Variants in WIPF2 observed in about 807,000 individuals in gnomAD.
WIPF2 encodes the protein WAS/WASL interacting protein family member 2.
A neutral mutation model predicts 38.8 loss-of-function variants in WIPF2; 23 were observed. The observed-to-expected ratio is 0.59, with a 90% CI of 0.43 to 0.84. The LOEUF is 0.84. WIPF2 is among the 40% of genes least tolerant of loss of function. The pLI is 0.00. For missense variants in WIPF2, 574 were observed against 580.5 expected (o/e 0.99, Z 0.11); for synonymous variants, 210 against 223.2 (o/e 0.94, Z 0.53).
intron 1 of WIPF2, among the ~76,000 whole-genome samples, chr17:40,254,762 C>CTA (rs2031667198): frequency 2.0e-5 from 3 of 151,232 alleles, no homozygotes; most frequent in African/African-American, 7.3e-5. Context: ...GACAGAGTTT[C>CTA]GCTCTGTTGC....
At chr17:40,231,807 G>A (rs1330103371) in intron 1 of WIPF2, among the ~76,000 whole-genome samples, 1 of 151,904 alleles carries the variant, frequency 6.6e-6, no homozygotes, top group Non-Finnish European at 1.5e-5. Context: ...GATATGGCTA[G>A]CTTAAAATCT....
Position 40,265,087 on chromosome 17 carries a change from C to A in WIPF2, c.911C>A (p.Pro304Gln), listed in dbSNP as rs748951285. The change falls in exon 5 of 8, where the codon CCA (proline) becomes CAA (glutamine). Residue 304 changes from proline to glutamine, a missense_variant. Pro to Gln is a moderately conservative substitution (Grantham distance 76). Coordinates refer to ENST00000323571, the MANE Select transcript of WIPF2 (RefSeq NM_133264.5). ...CCTCCTCCACCCACCTCGGCCTCCC[C>A]ATCTTTACTGAGTAATAGGCCACCT... ...LAPPPPTSAS[P>Q]SLLSNRPPPP... 1 of 1,613,748 alleles carries A rather than the reference C, an allele frequency of 6.2e-7. No homozygotes were observed.
At position 40,247,605 on chromosome 17, in the gene WIPF2, T is replaced by A. The variant is rs1047208587; in HGVS notation, c.-69-8786T>A. ...GGTGCAATCTCAGCTCACTGCAGCC[T>A]CCACCTCCTGGGTTCAAGTGATTCT... On this transcript the variant is annotated intron_variant, in intron 1 of 7. Transcript: ENST00000323571. 1.2e-4 allele frequency among the ~76,000 whole-genome samples: 18 copies of A among 151,538 alleles called. No individual in the cohort carries two copies. In the Admixed American group the frequency reaches 1.2e-3, roughly 10 times the overall value.
rs2030378802 is a variant in WIPF2 at position 40,224,231 on chromosome 17, C to CTTTTCT, written c.-70+4743_-70+4744insCTTTTT. Among the ~76,000 whole-genome samples, 3 of 110,150 alleles carry CTTTTCT rather than the reference C, an allele frequency of 2.7e-5. No homozygotes were observed. The Admixed American group carries it at 3.0e-4, about 11-fold the overall frequency. The allele number at this position is 110,150 out of a possible 152,430, so 72.3% of individuals were successfully genotyped here. On this transcript the variant is annotated intron_variant, in intron 1 of 7. Coordinates refer to ENST00000323571, the MANE Select transcript of WIPF2 (RefSeq NM_133264.5). ...GCTTATTTTTTTTTTCTTTTCTTTT[C>CTTTTCT]TTTTTTTTTTTTTTTTTTGAGACGG...
At chr17:40,267,129 G>A (rs1285577507) in intron 5 of WIPF2, among the ~76,000 whole-genome samples, 1 of 152,132 alleles carries the variant, frequency 6.6e-6, no homozygotes, top group African/African-American at 2.4e-5. Context: ...ACCACGCGAA[G>A]GGCCCACTTG....
rs2030071197 is a variant in WIPF2, at chr17:40,219,452, G to A, written c.-110G>A. On this transcript the variant is annotated 5_prime_UTR_variant, in exon 1 of 8. Transcript: ENST00000323571. ...GAGCAGGACAGGACGAAGCCGGAGTGTAGGCGGCAGAGGATTCGCTCCCAG... is the reference window on the plus strand; with the variant it reads ...GAGCAGGACAGGACGAAGCCGGAGTATAGGCGGCAGAGGATTCGCTCCCAG... 7.2e-6 allele frequency: 2 copies of A among 277,638 alleles called. No homozygotes were observed. The highest frequency in any genetic ancestry group is 5.6e-5 in the Admixed American group (1 of 17,976). The allele number at this position is 277,638 out of a possible 1,614,324, so 17.2% of individuals were successfully genotyped here. A position where few individuals can be genotyped will look rare whatever the true frequency, so the allele number is the denominator to read the frequency against.
At chr17:40,240,223 C>T (rs575989732) in intron 1 of WIPF2, among the ~76,000 whole-genome samples, 10 of 152,144 alleles carry the variant, frequency 6.6e-5, no homozygotes, top group Non-Finnish European at 1.0e-4. Flanking sequence ...CCACCACAAT[C>T]GGCTAATTTT....
At chr17:40,270,384 G>GA (rs1337958290) in intron 5 of WIPF2, among the ~76,000 whole-genome samples, 1 of 140,960 alleles carries the variant, frequency 7.1e-6, no homozygotes, top group Non-Finnish European at 1.6e-5. Flanking sequence ...AAAAAAAAAA[G>GA]AAAAATAACT....
Position 40,278,298 on chromosome 17 carries a change from C to T in WIPF2, c.*73C>T. 1 of 1,553,232 alleles carries T rather than the reference C, an allele frequency of 6.4e-7. No homozygotes were observed. The highest frequency in any genetic ancestry group is 8.8e-7 in the Non-Finnish European group (1 of 1,135,438). On this transcript the variant is annotated 3_prime_UTR_variant, in exon 8 of 8. Coordinates refer to ENST00000323571, the MANE Select transcript of WIPF2 (RefSeq NM_133264.5). The stretch of plus-strand genomic sequence containing the variant: ...TTCTCAGATGGTCCCTTCCATTCCC[C>T]TGAAACCTGCATGAGAGCTCCTAAC...
rs544741006 is a variant in WIPF2, at chr17:40,264,893, C to G, written c.717C>G (p.Ile239Met). 5.6e-6 allele frequency: 9 copies of G among 1,614,214 alleles called. No individual in the cohort carries two copies. In the East Asian group the frequency reaches 6.7e-5, roughly 12 times the overall value. Reference protein sequence around the residue: ...PVKPPPSPVNIRTGPSGQSLA... With the variant: ...PVKPPPSPVNMRTGPSGQSLA... ...AACCACCTCCTTCCCCTGTGAATAT[C>G]AGAACAGGACCAAGTGGCCAGTCTC... The change falls in exon 5 of 8, where the codon ATC (isoleucine) becomes ATG (methionine). Residue 239 changes from isoleucine (I) to methionine (M), a missense_variant. By Grantham distance (10) the Ile-to-Met change is conservative. Coordinates refer to ENST00000323571, the MANE Select transcript of WIPF2 (RefSeq NM_133264.5).
intron 1 of WIPF2, among the ~76,000 whole-genome samples, chr17:40,246,861 C>T (rs1283555178): frequency 6.6e-6 from 1 of 151,972 alleles, no homozygotes; most frequent in African/African-American, 2.4e-5. Context: ...GCCTGTAATC[C>T]CAGACTTTGG....
At chr17:40,229,455 C>G (rs1567709249) in intron 1 of WIPF2, among the ~76,000 whole-genome samples, 2 of 145,414 alleles carry the variant, frequency 1.4e-5, no homozygotes, top group African/African-American at 5.1e-5. Flanking sequence ...CAGAGTCTAG[C>G]TCTATTAGCC....
rs759258547 is a variant in WIPF2, at chr17:40,260,516, T to C, written c.64-19T>C. The C allele has an allele frequency of 1.9e-5, 30 of 1,612,918 alleles. No homozygotes were observed. The highest frequency in any genetic ancestry group is 1.7e-4 in the Middle Eastern group (1 of 5,960). ...AAGGGAACTCTTTAGGGTGAACTTA[T>C]ATTTCTCTTATCCTCCAGGCAAACA... On this transcript the variant is annotated intron_variant, in intron 2 of 7. Transcript: ENST00000323571.
chr17:40,249,952 C>G (rs994946224), intron 1 of WIPF2, among the ~76,000 whole-genome samples: 45 of 151,506 alleles, frequency 3.0e-4, no homozygotes, highest in African/African-American at 1.1e-3. Flanking sequence ...CCTGCCTCAG[C>G]CTCTGGAGTA....
At chr17:40,254,232 G>A (rs903494092) in intron 1 of WIPF2, among the ~76,000 whole-genome samples, 3 of 152,038 alleles carry the variant, frequency 2.0e-5, no homozygotes, top group African/African-American at 7.2e-5. Flanking sequence ...GTCCAGACTG[G>A]TCTTGAACTC....
At chr17:40,277,719 T>A (rs575225539) in intron 7 of WIPF2, among the ~76,000 whole-genome samples, 23 of 142,740 alleles carry the variant, frequency 1.6e-4, no homozygotes, top group African/African-American at 5.9e-4. Flanking sequence ...TCATCTTCGT[T>A]GTCCTTTTTT....
intron 2 of WIPF2, among the ~76,000 whole-genome samples, chr17:40,257,926 C>T (rs999931188): frequency 1.3e-5 from 2 of 152,078 alleles, no homozygotes; most frequent in South Asian, 2.1e-4. Flanking sequence ...AATTGTACCC[C>T]GAAGAGGAAA....
chr17:40,227,820 G>A (rs923734703), intron 1 of WIPF2, among the ~76,000 whole-genome samples: 14 of 151,832 alleles, frequency 9.2e-5, no homozygotes, highest in African/African-American at 3.4e-4. Flanking sequence ...CTGCACTCCA[G>A]CCTGGGTGAC....
chr17:40,261,659 G>C (rs1321001207), intron 3 of WIPF2, among the ~76,000 whole-genome samples: 3 of 138,984 alleles, frequency 2.2e-5, no homozygotes, highest in East Asian at 2.1e-4. Flanking sequence ...TCGGCCACTT[G>C]TTGTTGTTGT....
Sources: gnomAD v4.1 joint callset for allele counts (sites outside exome capture counted in the v4.1 genomes callset) on GRCh38, gnomAD v4.1.1 for gene constraint, MANE v1.5 for transcripts, NCBI Gene and HGNC (gene_info 2026-07-23, HGNC 2026-07-21) for gene names.